CWC27: variants seen among roughly 807,000 people sequenced by gnomAD.
CWC27 encodes the protein spliceosome-associated protein CWC27 homolog.
Under a neutral mutation model 63.6 loss-of-function variants are expected in CWC27, and 47 were observed. The ratio of observed to expected loss-of-function variants is 0.74; its 90% CI spans 0.58 to 0.94. The LOEUF (loss-of-function observed/expected upper bound fraction) is 0.94, where lower values mean the gene tolerates loss of function less well. Among genes scored for constraint, CWC27 ranks in the 40% least tolerant of loss-of-function variants. CWC27 has a pLI of 0.00. For missense variants in CWC27, 495 were observed against 554.3 expected (o/e 0.89, Z 1.07); for synonymous variants, 175 against 179.8 (o/e 0.97, Z 0.22).
At chr5:64,775,844 G>A (rs564127576) in intron 2 of CWC27, among the ~76,000 whole-genome samples, 1 of 152,128 alleles carries the variant, frequency 6.6e-6, no homozygotes, top group African/African-American at 2.4e-5. Context: ...TCCAGCGGTG[G>A]CAAATCATTG....
intron 10 of CWC27, among the ~76,000 whole-genome samples, chr5:64,879,419 T>A (rs1368793193): frequency 1.3e-5 from 2 of 151,912 alleles, no homozygotes; most frequent in Admixed American, 1.3e-4. Context: ...TGAGTGTTGA[T>A]GAAATTTATA....
At chr5:64,938,402 T>C (rs1224778785) in intron 11 of CWC27, among the ~76,000 whole-genome samples, 6 of 152,264 alleles carry the variant, frequency 3.9e-5, no homozygotes, top group Middle Eastern at 3.4e-3. Context: ...GGGTTGAAAA[T>C]TCTTTTCCTT....
chr5:64,970,995 G>GTA (rs770480289), intron 11 of CWC27, among the ~76,000 whole-genome samples: 1 of 143,228 alleles, frequency 7.0e-6, no homozygotes, highest in East Asian at 2.0e-4. Context: ...GTGTGTGTGT[G>GTA]TGTGTTTTAG....
chr5:64,835,774 A>G (rs964040941), intron 10 of CWC27, among the ~76,000 whole-genome samples: 3 of 151,768 alleles, frequency 2.0e-5, no homozygotes, highest in Non-Finnish European at 4.4e-5. Flanking sequence ...CTTTTGTTTT[A>G]TATCTTCATG....
chr5:64,843,851 A>C (rs1745908287), intron 10 of CWC27, among the ~76,000 whole-genome samples: 1 of 152,124 alleles, frequency 6.6e-6, no homozygotes, highest in African/African-American at 2.4e-5. Context: ...TCTGGTGCCT[A>C]GTGACATCAG....
chr5:64,947,370 C>T (rs1343609378), intron 11 of CWC27, among the ~76,000 whole-genome samples: 1 of 152,124 alleles, frequency 6.6e-6, no homozygotes, highest in African/African-American at 2.4e-5. Context: ...TCTAGTCTAA[C>T]TTGGCTGTAC....
rs1225190065 is a variant in CWC27 at position 64,933,515 on chromosome 5, G to A, written c.1043-38188G>A. 4.5e-5 allele frequency among the ~76,000 whole-genome samples: 6 copies of A among 133,944 alleles called. No individual in the cohort carries two copies. In the East Asian group the frequency reaches 8.7e-4, roughly 19 times the overall value. The allele number at this position is 133,944 out of a possible 152,430, so 87.9% of individuals were successfully genotyped here. ...TTTCTCTTTTTTTTTTTTTTTTTGAGACGGAGTCTCGCTGTCACCCAGGCT... is the reference window on the plus strand; with the variant it reads ...TTTCTCTTTTTTTTTTTTTTTTTGAAACGGAGTCTCGCTGTCACCCAGGCT... On this transcript the variant is annotated intron_variant, in intron 11 of 13. Transcript: ENST00000381070.
At chr5:64,996,978 C>G (rs1749645067) in intron 13 of CWC27, among the ~76,000 whole-genome samples, 1 of 152,086 alleles carries the variant, frequency 6.6e-6, no homozygotes, top group Admixed American at 6.5e-5. Flanking sequence ...TAAGGCCAAA[C>G]AAATGACTTC....
At chr5:64,969,364 A>G (rs1749077651) in intron 11 of CWC27, among the ~76,000 whole-genome samples, 1 of 152,166 alleles carries the variant, frequency 6.6e-6, no homozygotes, top group Non-Finnish European at 1.5e-5. Context: ...ACTGATACCC[A>G]TCACAATTTT....
chr5:64,818,884 C>T (rs145543753), intron 10 of CWC27, among the ~76,000 whole-genome samples: 3 of 152,012 alleles, frequency 2.0e-5, no homozygotes, highest in African/African-American at 7.2e-5. Context: ...ATGTTTTGTT[C>T]CTTTTATTGT....
chr5:64,844,801 A>C, intron 10 of CWC27: 1 of 431,530 alleles, frequency 2.3e-6, no homozygotes, highest in Non-Finnish European at 4.7e-6. Flanking sequence ...TGTTTGACCC[A>C]GGCAGTCAAA....
intron 10 of CWC27, among the ~76,000 whole-genome samples, chr5:64,872,960 A>T (rs1415696170): frequency 1.3e-5 from 2 of 152,162 alleles, no homozygotes; most frequent in Non-Finnish European, 2.9e-5. Context: ...CCAACAACAT[A>T]CTGAGTCACA....
At position 64,924,872 on chromosome 5, in the gene CWC27, A is replaced by T. The variant is rs1484600529; in HGVS notation, c.1042+39326A>T. The stretch of plus-strand genomic sequence containing the variant: ...ATGTAAAGCATTTAGCATAGTGCTA[A>T]TGAGTGGTAGTTATTATTTTTATAT... On this transcript the variant is annotated intron_variant, in intron 11 of 13. Coordinates refer to ENST00000381070, the MANE Select transcript of CWC27 (RefSeq NM_005869.4). Among the ~76,000 whole-genome samples, 2 of 152,030 alleles carry T rather than the reference A, an allele frequency of 1.3e-5. 1 individual carries two copies. Among genetic ancestry groups the T allele is most frequent in the South Asian group, 4.1e-4 (2 of 4,822 alleles).
At chr5:64,948,479 T>C (rs1748637699) in intron 11 of CWC27, among the ~76,000 whole-genome samples, 1 of 151,926 alleles carries the variant, frequency 6.6e-6, no homozygotes, top group Non-Finnish European at 1.5e-5. Flanking sequence ...AAAAAATTTT[T>C]TCTACATATT....
intron 11 of CWC27, among the ~76,000 whole-genome samples, chr5:64,906,660 A>C (rs910431640): frequency 6.6e-6 from 1 of 152,142 alleles, no homozygotes; most frequent in Admixed American, 6.5e-5. Context: ...GCTGTGCAGA[A>C]GCTCTTTAGT....
intron 7 of CWC27, among the ~76,000 whole-genome samples, chr5:64,792,387 A>T (rs1027245536): frequency 6.6e-6 from 1 of 152,094 alleles, no homozygotes; most frequent in Non-Finnish European, 1.5e-5. Flanking sequence ...CTCTATATGT[A>T]TGCCTTATTG....
Position 64,966,235 on chromosome 5 carries a change from C to G in CWC27, c.1043-5468C>G, listed in dbSNP as rs183060889. Among the ~76,000 whole-genome samples, 92 of 151,790 alleles carry G rather than the reference C, an allele frequency of 6.1e-4. 1 individual carries two copies. In the South Asian group the frequency reaches 9.8e-3, roughly 16 times the overall value. Reference sequence around the variant, plus strand: ...TTTCCCTCCATCAATGTAAGAAATTCCCTTATATGAAAGAAATGTATTTGT... The same window carrying G: ...TTTCCCTCCATCAATGTAAGAAATTGCCTTATATGAAAGAAATGTATTTGT... On this transcript the variant is annotated intron_variant, in intron 11 of 13. Transcript: ENST00000381070.
chr5:64,938,245 GT>G (rs1748400724), intron 11 of CWC27, among the ~76,000 whole-genome samples: 1 of 152,136 alleles, frequency 6.6e-6, no homozygotes, highest in East Asian at 1.9e-4. Flanking sequence ...GCTGATACCG[GT>G]TTTTCCTTTC....
At chr5:64,939,789 T>C (rs1362645764) in intron 11 of CWC27, among the ~76,000 whole-genome samples, 1 of 151,968 alleles carries the variant, frequency 6.6e-6, no homozygotes, top group Non-Finnish European at 1.5e-5. Flanking sequence ...ATGGGACCGC[T>C]GCCTTTCTTT....
Sources: gnomAD v4.1 joint callset for allele counts (sites outside exome capture counted in the v4.1 genomes callset) on GRCh38, gnomAD v4.1.1 for gene constraint, MANE v1.5 for transcripts, NCBI Gene and HGNC (gene_info 2026-07-23, HGNC 2026-07-21) for gene names.